Variants in PRIM2 observed in about 807,000 individuals in gnomAD.
PRIM2 encodes the protein DNA primase subunit 2, also known as DNA primase large subunit.
Under a neutral mutation model 67.3 loss-of-function variants are expected in PRIM2, and 39 were observed. The observed-to-expected ratio is 0.58, with a 90% CI of 0.45 to 0.76. The LOEUF (loss-of-function observed/expected upper bound fraction) is 0.76. PRIM2 is among the 30% of genes least tolerant of loss of function. PRIM2 has a pLI of 0.00. For synonymous variants in PRIM2, 143 were observed against 198.7 expected, an observed-to-expected ratio of 0.72 and a Z score of 2.36; for missense variants, 398 against 598.7, an observed-to-expected ratio of 0.66 and a Z score of 3.50.
chr6:57,638,753 T>G (rs1304314561), intron 13 of PRIM2, among the ~76,000 whole-genome samples: 2 of 151,994 alleles, frequency 1.3e-5, no homozygotes, highest in Non-Finnish European at 2.9e-5. Context: ...GTGGCCAGAT[T>G]CATAAAGCGA....
At chr6:57,488,313 A>G (rs1773800458) in intron 7 of PRIM2, among the ~76,000 whole-genome samples, 1 of 152,192 alleles carries the variant, frequency 6.6e-6, no homozygotes, top group South Asian at 2.1e-4. Context: ...ATTGGTTGGA[A>G]TCCCAGCAAA....
the PRIM2 span, among the ~76,000 whole-genome samples, chr6:57,291,028 C>T: frequency 6.6e-6 from 1 of 151,690 alleles, no homozygotes; most frequent in Non-Finnish European, 1.5e-5. Flanking sequence ...GATAGAGACA[C>T]AAAAAAACCC....
chr6:57,630,895 A>G (rs1777027874), intron 12 of PRIM2, among the ~76,000 whole-genome samples: 1 of 152,196 alleles, frequency 6.6e-6, no homozygotes, highest in Admixed American at 6.5e-5. Flanking sequence ...CTCATTTTAA[A>G]TTGATTTTTC....
intron 7 of PRIM2, among the ~76,000 whole-genome samples, chr6:57,386,906 G>A (rs1370915344): frequency 6.6e-6 from 1 of 152,066 alleles, no homozygotes; most frequent in Non-Finnish European, 1.5e-5. Flanking sequence ...AATGGTTCTG[G>A]GGGAAGTTGT....
chr6:57,545,732 C>T (rs1775276351), intron 10 of PRIM2, among the ~76,000 whole-genome samples: 1 of 152,098 alleles, frequency 6.6e-6, no homozygotes. Flanking sequence ...CCATGCCTGG[C>T]CCCTCCAAGA....
chr6:57,625,769 C>A (rs1239750879), intron 12 of PRIM2, among the ~76,000 whole-genome samples: 6 of 152,228 alleles, frequency 3.9e-5, no homozygotes, highest in African/African-American at 1.4e-4. Flanking sequence ...CAGAAAAATT[C>A]TTGACATATA....
chr6:57,593,746 A>G (rs1776321396), intron 10 of PRIM2, among the ~76,000 whole-genome samples: 1 of 152,208 alleles, frequency 6.6e-6, no homozygotes, highest in Non-Finnish European at 1.5e-5. Context: ...AGAGATGACA[A>G]TTTGTTTGGT....
At chr6:57,430,512 G>A (rs2127378802) in intron 7 of PRIM2, among the ~76,000 whole-genome samples, 1 of 138,800 alleles carries the variant, frequency 7.2e-6, no homozygotes, top group African/African-American at 2.6e-5. Context: ...GGAGTGCAGT[G>A]GCGCAATCTC....
chr6:57,302,766 A>G, the PRIM2 span, among the ~76,000 whole-genome samples: 2 of 152,348 alleles, frequency 1.3e-5, no homozygotes, highest in East Asian at 1.9e-4. Context: ...CTCAGTCATA[A>G]GAGTCCATTA....
the PRIM2 span, among the ~76,000 whole-genome samples, chr6:57,267,761 TTAGCTA>T: frequency 1.3e-5 from 2 of 150,112 alleles, no homozygotes; most frequent in African/African-American, 4.9e-5. Context: ...AATTTTAAAA[TTAGCTA>T]GGCATGGTGG....
intron 12 of PRIM2, among the ~76,000 whole-genome samples, chr6:57,612,204 T>C (rs1776679422): frequency 6.6e-6 from 1 of 152,180 alleles, no homozygotes; most frequent in Non-Finnish European, 1.5e-5. Context: ...AGCTTACACA[T>C]GCTATGTGAC....
chr6:57,322,524 G>T (rs1648433623), intron 3 of PRIM2, among the ~76,000 whole-genome samples: 1 of 152,050 alleles, frequency 6.6e-6, no homozygotes. Context: ...GGTTTTATAA[G>T]GGGCTTTTCC....
At chr6:57,293,634 C>T in the PRIM2 span, among the ~76,000 whole-genome samples, 1 of 152,204 alleles carries the variant, frequency 6.6e-6, no homozygotes, top group Non-Finnish European at 1.5e-5. Flanking sequence ...GGCACATATA[C>T]ACCATGGAAT....
intron 10 of PRIM2, among the ~76,000 whole-genome samples, chr6:57,586,307 C>T (rs1170422381): frequency 8.7e-4 from 132 of 152,032 alleles, no homozygotes; most frequent in African/African-American, 2.0e-3. Flanking sequence ...ATAAACATTT[C>T]GATGATTGAG....
chr6:57,230,708 A>G, the PRIM2 span, among the ~76,000 whole-genome samples: 2 of 152,336 alleles, frequency 1.3e-5, no homozygotes, highest in East Asian at 3.9e-4. Context: ...AGGCTTGCAC[A>G]GTTTGGAAAA....
the PRIM2 span, among the ~76,000 whole-genome samples, chr6:57,237,729 T>C: frequency 7.4e-4 from 112 of 152,328 alleles, no homozygotes; most frequent in Admixed American, 1.7e-3. Flanking sequence ...TAGTTGCAGA[T>C]GTGTGGTATT....
At chr6:57,577,954 C>T (rs1775993113) in intron 10 of PRIM2, among the ~76,000 whole-genome samples, 1 of 152,140 alleles carries the variant, frequency 6.6e-6, no homozygotes, top group African/African-American at 2.4e-5. Context: ...TTCCAAGATC[C>T]AGTTCAAGAC....
upstream of PRIM2, among the ~76,000 whole-genome samples, chr6:57,314,647 A>G (rs1228070154): frequency 6.6e-6 from 1 of 152,250 alleles, no homozygotes; most frequent in Non-Finnish European, 1.5e-5. Context: ...TTGAGATGCT[A>G]TGGTTCAGTG....
At chr6:57,325,702 C>T (rs1767827676) in intron 4 of PRIM2, among the ~76,000 whole-genome samples, 1 of 152,078 alleles carries the variant, frequency 6.6e-6, no homozygotes, top group African/African-American at 2.4e-5. Flanking sequence ...TGTATTTAAT[C>T]TTTTTAATTT....
Sources: gnomAD v4.1 joint callset for allele counts (sites outside exome capture counted in the v4.1 genomes callset) on GRCh38, gnomAD v4.1.1 for gene constraint, MANE v1.5 for transcripts, NCBI Gene and HGNC (gene_info 2026-07-23, HGNC 2026-07-21) for gene names.